FOXK2: variants seen among roughly 807,000 people sequenced by gnomAD.
FOXK2 encodes the protein forkhead box protein K2.
In FOXK2, 24 loss-of-function variants were observed where a neutral mutation model predicts 53.3. The observed-to-expected ratio is 0.45, with a 90% CI of 0.33 to 0.63. FOXK2 has a LOEUF of 0.63. FOXK2 is among the 30% of genes least tolerant of loss of function. The pLI is 0.03. For missense variants in FOXK2, 952 were observed against 910.5 expected (o/e 1.05, Z -0.59); for synonymous variants, 505 against 407.1 (o/e 1.24, Z -2.89).
In FOXK2 at chr17:82,552,054, T is replaced by C. The variant is rs565646815; in HGVS notation, c.420-11300T>C. 2.4e-3 allele frequency among the ~76,000 whole-genome samples: 365 copies of C among 152,194 alleles called. 1 individual carries two copies. The highest frequency in any genetic ancestry group is 8.3e-3 in the African/African-American group (344 of 41,546). Reference sequence around the variant, plus strand: ...CAGGGTGTGAGGCACCATAAAATTATTCAAAAAATGAAGTGGCTTCCAAAC... The same window carrying C: ...CAGGGTGTGAGGCACCATAAAATTACTCAAAAAATGAAGTGGCTTCCAAAC... On this transcript the variant is annotated intron_variant, in intron 1 of 8. Coordinates refer to ENST00000335255, the MANE Select transcript of FOXK2 (RefSeq NM_004514.4).
At chr17:82,577,391 A>G in intron 4 of FOXK2, 2 of 514,368 alleles carry the variant, frequency 3.9e-6, no homozygotes, top group Non-Finnish European at 7.2e-6. Flanking sequence ...TAAGGTGTCC[A>G]TCACTGCAGC....
At chr17:82,593,522 C>A (rs769222676) in intron 8 of FOXK2, 1 of 152,368 alleles carries the variant, frequency 6.6e-6, no homozygotes, top group Non-Finnish European at 1.5e-5. Flanking sequence ...TATAGCCCCA[C>A]GCCTGCAGGC....
chr17:82,602,955 TGGGATGAAATA>T lies in FOXK2; in HGVS notation c.*1467_*1477del, dbSNP rs1049790648. The T allele has an allele frequency of 2.0e-5, 3 of 152,694 alleles. No individual in the cohort carries two copies. Among genetic ancestry groups the T allele is most frequent in the Admixed American group, 1.3e-4 (2 of 15,304 alleles). The allele number at this position is 152,694 out of a possible 1,614,324, so 9.5% of individuals were successfully genotyped here. A position where few individuals can be genotyped will look rare whatever the true frequency, so the allele number is the denominator to read the frequency against. ...GAGGAAAAAACCTGTATTTTCCTGGTGGGATGAAATAGGGATGAAATGGCTCAGAATGGTAT... is the reference window on the plus strand; with the variant it reads ...GAGGAAAAAACCTGTATTTTCCTGGTGGGATGAAATGGCTCAGAATGGTAT... On this transcript the variant is annotated 3_prime_UTR_variant, in exon 9 of 9. Coordinates refer to ENST00000335255, the MANE Select transcript of FOXK2 (RefSeq NM_004514.4).
chr17:82,549,550 G>T (rs2044656471), intron 1 of FOXK2, among the ~76,000 whole-genome samples: 1 of 151,280 alleles, frequency 6.6e-6, no homozygotes, highest in Admixed American at 6.6e-5. Context: ...TACAGTTGCA[G>T]TGCAGCAAAT....
chr17:82,532,755 A>G (rs1022339694), intron 1 of FOXK2, among the ~76,000 whole-genome samples: 3 of 151,392 alleles, frequency 2.0e-5, no homozygotes, highest in African/African-American at 7.3e-5. Context: ...TTTAGTAGAG[A>G]TGGGGTTTTG....
chr17:82,560,633 G>C (rs2044783723), intron 1 of FOXK2, among the ~76,000 whole-genome samples: 1 of 152,196 alleles, frequency 6.6e-6, no homozygotes, highest in Non-Finnish European at 1.5e-5. Flanking sequence ...CGTTGATTCA[G>C]TTAATAATTT....
intron 8 of FOXK2, among the ~76,000 whole-genome samples, chr17:82,597,045 C>G (rs766667044): frequency 6.6e-6 from 1 of 152,186 alleles, no homozygotes; most frequent in Non-Finnish European, 1.5e-5. Context: ...GGCGGCGGCG[C>G]CTCTGGGTGT....
chr17:82,520,365 G>C (rs576588069), intron 1 of FOXK2, 58 bp downstream of exon 1: 3 of 1,210,104 alleles, frequency 2.5e-6, no homozygotes, highest in Non-Finnish European at 3.1e-6. Context: ...CTGGCAGGAC[G>C]GGACGGGACA....
At chr17:82,522,941 C>T (rs1429847699) in intron 1 of FOXK2, among the ~76,000 whole-genome samples, 2 of 152,078 alleles carry the variant, frequency 1.3e-5, no homozygotes, top group African/African-American at 4.8e-5. Flanking sequence ...ATTACAGGCA[C>T]ACGCCACCAC....
At chr17:82,553,059 C>T (rs553563365) in intron 1 of FOXK2, among the ~76,000 whole-genome samples, 3 of 152,300 alleles carry the variant, frequency 2.0e-5, no homozygotes, top group Admixed American at 2.0e-4. Flanking sequence ...CCTCAGCCTC[C>T]GGAGTAGCTG....
intron 5 of FOXK2, among the ~76,000 whole-genome samples, chr17:82,583,599 A>G (rs1393932519): frequency 6.6e-6 from 1 of 152,240 alleles, no homozygotes; most frequent in Non-Finnish European, 1.5e-5. Flanking sequence ...TGACTTATAC[A>G]GTGTTAATTT....
rs2044347929 is a variant in FOXK2, at chr17:82,520,318, T to TCGGGG, written c.419+21_419+25dup. 16 of 541,868 alleles carry TCGGGG rather than the reference T, an allele frequency of 3.0e-5. No homozygotes were observed. The highest frequency in any genetic ancestry group is 3.8e-5 in the Non-Finnish European group (13 of 345,692). The allele number at this position is 541,868 out of a possible 1,614,324, so 33.6% of individuals were successfully genotyped here. A position where few individuals can be genotyped will look rare whatever the true frequency, so the allele number is the denominator to read the frequency against. ...GCAGCTGCCGCGCGTGTGAGTGGCCTCGGGGCGGGGCGGGCGGGGTCTGCG... is the reference window on the plus strand; with the variant it reads ...GCAGCTGCCGCGCGTGTGAGTGGCCTCGGGGCGGGGCGGGGCGGGCGGGGTCTGCG... On this transcript the variant is annotated intron_variant, in intron 1 of 8. Transcript: ENST00000335255.
intron 1 of FOXK2, among the ~76,000 whole-genome samples, chr17:82,531,808 C>T (rs62078096): frequency 0.049 from 7,392 of 152,160 alleles, 204 homozygotes; most frequent in African/African-American, 0.072. Flanking sequence ...GACTGTACAC[C>T]GCTGTCAACT....
chr17:82,581,719 C>T (rs1302667603), intron 4 of FOXK2, among the ~76,000 whole-genome samples: 1 of 152,172 alleles, frequency 6.6e-6, no homozygotes, highest in East Asian at 1.9e-4. Flanking sequence ...TCGTGATCCG[C>T]CCGCCTCGGC....
At chr17:82,597,298 A>C (rs11649764) in intron 8 of FOXK2, among the ~76,000 whole-genome samples, 6,309 of 152,302 alleles carry the variant, frequency 0.041, 184 homozygotes, top group Non-Finnish European at 0.062. Flanking sequence ...CCAAGAGAGC[A>C]CGTGTGGGCC....
At chr17:82,578,361 G>C (rs984018883) in intron 4 of FOXK2, 2 of 152,254 alleles carry the variant, frequency 1.3e-5, no homozygotes, top group East Asian at 3.8e-4. Flanking sequence ...AAGCCTTTGG[G>C]GGAAAGGTAA....
chr17:82,560,948 T>G (rs1341092047), intron 1 of FOXK2, among the ~76,000 whole-genome samples: 6 of 151,840 alleles, frequency 4.0e-5, no homozygotes, highest in Non-Finnish European at 1.5e-5. Flanking sequence ...GTCATAGGGG[T>G]CTTTGTTGGC....
intron 1 of FOXK2, among the ~76,000 whole-genome samples, chr17:82,552,728 T>C (rs2044688375): frequency 6.6e-6 from 1 of 152,162 alleles, no homozygotes; most frequent in African/African-American, 2.4e-5. Flanking sequence ...TGGTGTCGTT[T>C]TGTGCCGTGG....
At chr17:82,539,510 A>G (rs1166993966) in intron 1 of FOXK2, among the ~76,000 whole-genome samples, 2 of 151,942 alleles carry the variant, frequency 1.3e-5, no homozygotes, top group Non-Finnish European at 2.9e-5. Context: ...TTAGCTCTGT[A>G]TGGTGGCACA....
Sources: allele counts gnomAD v4.1 joint callset (sites outside exome capture counted in the v4.1 genomes callset), GRCh38; gene constraint gnomAD v4.1.1; transcripts MANE v1.5; gene names NCBI Gene and HGNC (gene_info 2026-07-23, HGNC 2026-07-21).